Variants in TMTC1 observed in about 807,000 individuals in gnomAD.
The protein encoded by TMTC1 is transmembrane O-mannosyltransferase targeting cadherins 1.
Under a neutral mutation model 104.8 loss-of-function variants are expected in TMTC1, and 73 were observed. That is an observed-to-expected ratio of 0.70 (90% CI 0.58 to 0.85). The LOEUF is 0.85. Among genes scored for constraint, TMTC1 ranks in the 40% least tolerant of loss-of-function variants. TMTC1 has a pLI of 0.00. For synonymous variants in TMTC1, 434 were observed against 428.7 expected (o/e 1.01, Z -0.15); for missense variants, 1,035 against 1,096.1 (o/e 0.94, Z 0.79).
intron 1 of TMTC1, among the ~76,000 whole-genome samples, chr12:29,776,085 T>C (rs1339572533): frequency 6.6e-6 from 1 of 152,176 alleles, no homozygotes; most frequent in African/African-American, 2.4e-5. Flanking sequence ...CCATTCCTTA[T>C]AGAAAGCATA....
chr12:29,704,061 G>A lies in TMTC1; in HGVS notation c.938+47605C>T, dbSNP rs576371297. Among the ~76,000 whole-genome samples, 7 of 152,182 alleles carry A rather than the reference G, an allele frequency of 4.6e-5. No homozygotes were observed. In the East Asian group the frequency reaches 7.7e-4, roughly 17 times the overall value. ...TTTTCTTTATAAATTACCCAGTCCC[G>A]GGTATTTCTTCATAGCAGTATGAAA... On this transcript the variant is annotated intron_variant, in intron 5 of 17. Transcript: ENST00000539277.
intron 17 of TMTC1, among the ~76,000 whole-genome samples, chr12:29,511,189 T>G (rs1271926284): frequency 6.6e-6 from 1 of 152,228 alleles, no homozygotes; most frequent in Non-Finnish European, 1.5e-5. Context: ...ATATATTTTA[T>G]ACATATACAT....
At chr12:29,771,784 G>C (rs190785367) in intron 1 of TMTC1, among the ~76,000 whole-genome samples, 4 of 152,236 alleles carry the variant, frequency 2.6e-5, no homozygotes, top group East Asian at 1.9e-4. Context: ...GATGCTAAGG[G>C]GGGAGGGAAG....
chr12:29,565,404 C>T lies in TMTC1; in HGVS notation c.1532+6701G>A, dbSNP rs181539584. 5.3e-5 allele frequency among the ~76,000 whole-genome samples: 8 copies of T among 152,264 alleles called. No homozygotes were observed. The East Asian group carries it at 1.5e-3, about 29-fold the overall frequency. On this transcript the variant is annotated intron_variant, in intron 9 of 17. Transcript: ENST00000539277. ...CCCATCCAAGCTGACATGAAATTATCCATCGCAAGTCTACCCCTTGCCAAT... is the reference window on the plus strand; with the variant it reads ...CCCATCCAAGCTGACATGAAATTATTCATCGCAAGTCTACCCCTTGCCAAT...
Position 29,651,005 on chromosome 12 carries a change from A to G in TMTC1, c.939-17669T>C, listed in dbSNP as rs548763988. On this transcript the variant is annotated intron_variant, in intron 5 of 17. Transcript: ENST00000539277. ...GTATCAGACACAAAACTATGTATTC[A>G]TCCAGTGTGTTTGATTTTCTTCTGA... Among the ~76,000 whole-genome samples the G allele has an allele frequency of 4.6e-5, 7 of 152,336 alleles. No individual in the cohort carries two copies. The East Asian group carries it at 9.6e-4, about 21-fold the overall frequency.
chr12:29,667,385 A>G (rs1171718490), intron 5 of TMTC1, among the ~76,000 whole-genome samples: 1 of 152,226 alleles, frequency 6.6e-6, no homozygotes, highest in Non-Finnish European at 1.5e-5. Context: ...TAAGGCTATG[A>G]TAAATTTTCC....
intron 10 of TMTC1, among the ~76,000 whole-genome samples, chr12:29,545,629 TCACACACACACA>T (rs55958433): frequency 5.3e-3 from 388 of 73,568 alleles, no homozygotes; most frequent in Middle Eastern, 0.015. Context: ...CAAGACTCTG[TCACACACACACA>T]CACACACACA....
intron 5 of TMTC1, among the ~76,000 whole-genome samples, chr12:29,750,819 T>C (rs1379895244): frequency 6.6e-6 from 1 of 152,220 alleles, no homozygotes; most frequent in African/African-American, 2.4e-5. Context: ...AAACCAAGCT[T>C]AACCACTAAC....
At chr12:29,523,762 G>GT (rs1355033745) in intron 11 of TMTC1, among the ~76,000 whole-genome samples, 1 of 152,004 alleles carries the variant, frequency 6.6e-6, no homozygotes, top group South Asian at 2.1e-4. Context: ...GGAATCTCTT[G>GT]TTTTTTGGAG....
chr12:29,586,233 CTCTG>C (rs1405344524), intron 7 of TMTC1, among the ~76,000 whole-genome samples: 2 of 151,690 alleles, frequency 1.3e-5, no homozygotes, highest in African/African-American at 4.8e-5. Context: ...TGATTTGGCT[CTCTG>C]TCTGTTATTG....
At chr12:29,592,026 C>T (rs1946295797) in intron 7 of TMTC1, among the ~76,000 whole-genome samples, 1 of 152,198 alleles carries the variant, frequency 6.6e-6, no homozygotes, top group Admixed American at 6.5e-5. Flanking sequence ...TTTGCTATGG[C>T]TTCACTTTCT....
chr12:29,528,930 A>C (rs75518147), intron 11 of TMTC1, among the ~76,000 whole-genome samples: 1 of 152,064 alleles, frequency 6.6e-6, no homozygotes, highest in Non-Finnish European at 1.5e-5. Context: ...AAATAGCGAG[A>C]ATAGTGGCAT....
At chr12:29,750,214 C>T (rs1418896739) in intron 5 of TMTC1, among the ~76,000 whole-genome samples, 2 of 152,018 alleles carry the variant, frequency 1.3e-5, no homozygotes, top group Admixed American at 1.3e-4. Flanking sequence ...TCCCAATTTG[C>T]TATGATCCTC....
At chr12:29,507,087 T>A in intron 17 of TMTC1, 101 bp from the exon 18 acceptor site, 1 of 970,514 alleles carries the variant, frequency 1.0e-6, no homozygotes, top group Non-Finnish European at 1.6e-6. Context: ...AGTTTTACAT[T>A]AATGTTCTCA....
chr12:29,600,008 A>ATATATATATTTT (rs59108744), intron 7 of TMTC1, among the ~76,000 whole-genome samples: 3 of 118,678 alleles, frequency 2.5e-5, no homozygotes, highest in African/African-American at 1.1e-4. Flanking sequence ...ATATATATAT[A>ATATATATATTTT]TTTTTTTTTT....
chr12:29,758,883 T>C (rs1355786725), intron 2 of TMTC1, 106 bp from the exon 3 acceptor site: 1 of 966,674 alleles, frequency 1.0e-6, no homozygotes, highest in African/African-American at 1.7e-5. Context: ...AAATGGAAGA[T>C]ATAATAAAAT....
intron 7 of TMTC1, among the ~76,000 whole-genome samples, chr12:29,584,229 G>C (rs1033670255): frequency 6.6e-6 from 1 of 152,156 alleles, no homozygotes; most frequent in African/African-American, 2.4e-5. Flanking sequence ...GTAGCACTTT[G>C]TATATCAGCA....
chr12:29,737,348 G>A (rs11050418), intron 5 of TMTC1, among the ~76,000 whole-genome samples: 11,310 of 152,012 alleles, frequency 0.074, 635 homozygotes, highest in East Asian at 0.25. Context: ...GAGAAACCCC[G>A]TCTCTACTAA....
chr12:29,577,002 A>G (rs1316640045), intron 8 of TMTC1, among the ~76,000 whole-genome samples: 1 of 152,182 alleles, frequency 6.6e-6, no homozygotes, highest in Non-Finnish European at 1.5e-5. Context: ...TGAAAGAAGG[A>G]TAAATAATAT....
Sources: allele counts gnomAD v4.1 joint callset (sites outside exome capture counted in the v4.1 genomes callset), GRCh38; gene constraint gnomAD v4.1.1; transcripts MANE v1.5; gene names NCBI Gene and HGNC (gene_info 2026-07-23, HGNC 2026-07-21).